The following ATP9A variants were observed in gnomAD, a reference collection of about 807,000 sequenced individuals.
ATP9A encodes the protein ATPase phospholipid transporting 9A.
ATP9A carries 52 observed loss-of-function variants against 144.1 expected under a neutral mutation model. The observed-to-expected ratio is 0.36, with a 90% CI of 0.29 to 0.45. The LOEUF is 0.45. ATP9A is among the 20% of genes least tolerant of loss of function. The pLI is 1.00. For missense variants in ATP9A, 947 were observed against 1,392.7 expected, an observed-to-expected ratio of 0.68 and a Z score of 5.09; for synonymous variants, 582 against 557.4, an observed-to-expected ratio of 1.04 and a Z score of -0.62.
At chr20:51,662,260 G>A (rs1487224358) in intron 13 of ATP9A, among the ~76,000 whole-genome samples, 2 of 152,114 alleles carry the variant, frequency 1.3e-5, no homozygotes, top group Non-Finnish European at 2.9e-5. Context: ...TTAAAATATT[G>A]CACTGCGCCA....
In ATP9A at chr20:51,657,078, C is replaced by T; in HGVS notation, c.1366G>A (p.Val456Met). 2 of 1,614,150 alleles carry T rather than the reference C, an allele frequency of 1.2e-6. No homozygotes were observed. Among genetic ancestry groups the T allele is most frequent in the East Asian group, 2.2e-5 (1 of 44,880 alleles). Residue 456 changes from valine (V) to methionine (M), a missense_variant, in exon 14 of 28, where the codon GTG becomes ATG. By Grantham distance (21) the Val-to-Met change is conservative. Around this residue, in one of 2 missense-constraint regions of ATP9A, gnomAD observed 770 missense variants for 1,047.9 expected, o/e 0.73. Transcript: ENST00000338821. ...GCGATGGCCTTCACGGCTTCGTGCA[C>T]GCGGCTGCTCATGGTCCGCCGGACC... is the stretch of plus-strand genomic sequence containing the variant. ...TKVRRTMSSR[V>M]HEAVKAIALC...
chr20:51,643,847 T>A (rs1329603156), intron 14 of ATP9A, among the ~76,000 whole-genome samples: 1 of 152,074 alleles, frequency 6.6e-6, no homozygotes, highest in Non-Finnish European at 1.5e-5. Context: ...ATATATAAAA[T>A]CATACCAGCC....
At chr20:51,740,735 ATTT>A (rs2077781476) in intron 1 of ATP9A, among the ~76,000 whole-genome samples, 1 of 149,252 alleles carries the variant, frequency 6.7e-6, no homozygotes, top group Non-Finnish European at 1.5e-5. Context: ...CTCCCGGATA[ATTT>A]TTTTTATTTT....
At chr20:51,759,207 C>G (rs374113171) in intron 1 of ATP9A, among the ~76,000 whole-genome samples, 1 of 152,340 alleles carries the variant, frequency 6.6e-6, no homozygotes, top group Admixed American at 6.5e-5. Context: ...CCCAGGGGGG[C>G]AAAGAGCTGT....
At chr20:51,696,250 A>T in intron 5 of ATP9A, 106 bp from the exon 6 acceptor site, 1 of 862,598 alleles carries the variant, frequency 1.2e-6, no homozygotes, top group Non-Finnish European at 1.9e-6. Flanking sequence ...GGGTTGGGGC[A>T]GGGGGGACTG....
Position 51,644,614 on chromosome 20 carries a change from G to A in ATP9A, c.1507-5110C>T, listed in dbSNP as rs6067863. Among the ~76,000 whole-genome samples, 1,026 of 151,984 alleles carry A rather than the reference G, an allele frequency of 6.8e-3. 12 individuals are homozygous for A. The highest frequency in any genetic ancestry group is 0.022 in the South Asian group (107 of 4,802). On this transcript the variant is annotated intron_variant, in intron 14 of 27. Transcript: ENST00000338821. ...ACCGAAATGTTTCAAACGTGTATAC[G>A]CATTTCTTTTACGTTTAACTTTAAT... is the stretch of plus-strand genomic sequence containing the variant.
chr20:51,621,755 GTA>G (rs1398560690), intron 19 of ATP9A, among the ~76,000 whole-genome samples: 1 of 152,120 alleles, frequency 6.6e-6, no homozygotes, highest in Non-Finnish European at 1.5e-5. Context: ...AATTTCATGT[GTA>G]TGAGTGGATC....
rs556922016 is a variant in ATP9A, at chr20:51,650,052, A to G, written c.1506+6886T>C. On this transcript the variant is annotated intron_variant, in intron 14 of 27. Transcript: ENST00000338821. ...GAAAGTGAGTAGACAGGGTCTTGAA[A>G]TACAGACATGCATTTATGCCACTGG... is the stretch of plus-strand genomic sequence containing the variant. Among the ~76,000 whole-genome samples the G allele has an allele frequency of 3.9e-5, 6 of 152,326 alleles. No homozygotes were observed. In the South Asian group the frequency reaches 8.3e-4, roughly 21 times the overall value.
At chr20:51,680,922 A>C (rs1443221398) in intron 9 of ATP9A, among the ~76,000 whole-genome samples, 1 of 152,146 alleles carries the variant, frequency 6.6e-6, no homozygotes, top group Non-Finnish European at 1.5e-5. Flanking sequence ...CCATCAGATC[A>C]CTGCTGTGCT....
intron 18 of ATP9A, among the ~76,000 whole-genome samples, chr20:51,622,644 G>A (rs1256284294): frequency 6.6e-6 from 1 of 152,134 alleles, no homozygotes; most frequent in Non-Finnish European, 1.5e-5. Context: ...AACGCTGACC[G>A]TAAATGAGTC....
intron 1 of ATP9A, among the ~76,000 whole-genome samples, chr20:51,763,437 T>C (rs552751803): frequency 9.4e-4 from 142 of 151,832 alleles, no homozygotes; most frequent in Non-Finnish European, 1.6e-3. Context: ...CTCAGCCTCC[T>C]GAGTAGCTGG....
Position 51,762,660 on chromosome 20 carries a change from AAAAC to A in ATP9A, c.68+5638_68+5641del, listed in dbSNP as rs201779896. Among the ~76,000 whole-genome samples the A allele has an allele frequency of 1.1e-3, 164 of 151,810 alleles. 4 individuals are homozygous for A. In the East Asian group the frequency reaches 0.024, roughly 22 times the overall value. On this transcript the variant is annotated intron_variant, in intron 1 of 27. Transcript: ENST00000338821. ...GGTGACAAGAGCGAGACCCTGTCTA[AAAAC>A]AAACAAACAAAAAGATTTAAGGTGA...
At chr20:51,635,395 T>C (rs2077286607) in intron 15 of ATP9A, among the ~76,000 whole-genome samples, 2 of 152,164 alleles carry the variant, frequency 1.3e-5, no homozygotes, top group Non-Finnish European at 2.9e-5. Flanking sequence ...CAGCCAAGCC[T>C]GCCACAGAAA....
At chr20:51,688,153 G>A (rs141839291) in intron 9 of ATP9A, among the ~76,000 whole-genome samples, 99 of 152,302 alleles carry the variant, frequency 6.5e-4, no homozygotes, top group African/African-American at 2.2e-3. Flanking sequence ...TCATGGTGCC[G>A]TTAGGAGGGT....
At chr20:51,672,815 A>G (rs902011043) in intron 11 of ATP9A, among the ~76,000 whole-genome samples, 1 of 152,192 alleles carries the variant, frequency 6.6e-6, no homozygotes, top group African/African-American at 2.4e-5. Flanking sequence ...CCCACATCAC[A>G]GAGCAGCTCT....
intron 1 of ATP9A, among the ~76,000 whole-genome samples, chr20:51,765,244 T>G (rs1601152894): frequency 6.6e-6 from 1 of 152,176 alleles, no homozygotes; most frequent in African/African-American, 2.4e-5. Context: ...GTTTCTAAAC[T>G]TCAGGATTCC....
At chr20:51,730,544 G>A (rs1200477375) in intron 1 of ATP9A, among the ~76,000 whole-genome samples, 2 of 152,174 alleles carry the variant, frequency 1.3e-5, no homozygotes, top group Non-Finnish European at 1.5e-5. Context: ...ATTGTTAAGC[G>A]ACAAGGATAC....
In ATP9A at chr20:51,664,886, A is replaced by ATT. The variant is rs559731508; in HGVS notation, c.1293+5109_1293+5110dup. Among the ~76,000 whole-genome samples, 866 of 135,892 alleles carry ATT rather than the reference A, an allele frequency of 6.4e-3. 4 individuals are homozygous for ATT. The highest frequency in any genetic ancestry group is 0.011 in the East Asian group (51 of 4,542). The allele number at this position is 135,892 out of a possible 152,430, so 89.2% of individuals were successfully genotyped here. On this transcript the variant is annotated intron_variant, in intron 13 of 27. Coordinates refer to ENST00000338821, the MANE Select transcript of ATP9A (RefSeq NM_006045.3). Reference sequence around the variant, plus strand: ...AGGTGCCCGCCACCACCCCCGGCTAATTTTTTTTTTTTTTTTTGTATTTTT... The same window carrying ATT: ...AGGTGCCCGCCACCACCCCCGGCTAATTTTTTTTTTTTTTTTTTTGTATTTTT...
chr20:51,756,173 C>A (rs1320804317), intron 1 of ATP9A, among the ~76,000 whole-genome samples: 1 of 152,094 alleles, frequency 6.6e-6, no homozygotes, highest in Non-Finnish European at 1.5e-5. Context: ...AATCCAAGAA[C>A]AAGGTGTCAG....
Sources: gnomAD v4.1 joint callset for allele counts (sites outside exome capture counted in the v4.1 genomes callset) on GRCh38, gnomAD v4.1.1 for gene constraint, gnomAD v4.1.1 regional missense constraint, MANE v1.5 for transcripts, NCBI Gene and HGNC (gene_info 2026-07-23, HGNC 2026-07-21) for gene names.